Variants in TUBGCP3 observed in about 807,000 individuals in gnomAD.
The protein encoded by TUBGCP3 is gamma-tubulin complex component 3.
Under a neutral mutation model 123.1 loss-of-function variants are expected in TUBGCP3, and 50 were observed. The observed-to-expected ratio is 0.41, with a 90% confidence interval of 0.32 to 0.51. The LOEUF is 0.51. Ranked by LOEUF, TUBGCP3 falls within the 20% of genes least tolerant of loss-of-function variation. The pLI, the probability that TUBGCP3 is intolerant of heterozygous loss-of-function variation, is 0.36. For synonymous variants in TUBGCP3, 405 were observed against 413.9 expected (o/e 0.98, Z 0.26); for missense variants, 882 against 1,127.0 (o/e 0.78, Z 3.11).
At chr13:112,540,046 G>A (rs958788950) in intron 11 of TUBGCP3, among the ~76,000 whole-genome samples, 8 of 149,418 alleles carry the variant, frequency 5.4e-5, no homozygotes, top group Middle Eastern at 7.0e-3. Flanking sequence ...GAGCATTCAG[G>A]TGGTCTTGGG....
intron 1 of TUBGCP3, among the ~76,000 whole-genome samples, chr13:112,573,188 A>G (rs1256292361): frequency 6.6e-6 from 1 of 151,274 alleles, no homozygotes; most frequent in Non-Finnish European, 1.5e-5. Flanking sequence ...ATGGCCTACG[A>G]GATTAGACAT....
chr13:112,539,832 G>A (rs1487219844), intron 11 of TUBGCP3, among the ~76,000 whole-genome samples: 3 of 143,280 alleles, frequency 2.1e-5, no homozygotes, highest in East Asian at 2.0e-4. Flanking sequence ...GAATGAGGAC[G>A]TCAATGTAGT....
chr13:112,580,648 G>A (rs1882218231), intron 1 of TUBGCP3, among the ~76,000 whole-genome samples: 1 of 152,126 alleles, frequency 6.6e-6, no homozygotes, highest in Non-Finnish European at 1.5e-5. Context: ...AAAGCTACCA[G>A]ACACATCTTC....
At chr13:112,602,626 A>G in the TUBGCP3 span, among the ~76,000 whole-genome samples, 1 of 152,308 alleles carries the variant, frequency 6.6e-6, no homozygotes, top group South Asian at 2.1e-4. Context: ...AGAGGAAAAC[A>G]TTTGTTCTTT....
intron 20 of TUBGCP3, among the ~76,000 whole-genome samples, chr13:112,492,426 G>A (rs949228556): frequency 2.6e-5 from 4 of 152,216 alleles, no homozygotes; most frequent in African/African-American, 9.6e-5. Context: ...TACATGAACA[G>A]CTTAATAAGT....
Position 112,556,152 on chromosome 13 carries a change from T to TA in TUBGCP3, c.620dup (p.Leu207PhefsTer66). 1.2e-6 allele frequency: 2 copies of TA among 1,614,094 alleles called. No homozygotes were observed. Among genetic ancestry groups the TA allele is most frequent in the South Asian group, 1.1e-5 (1 of 91,070 alleles). On this transcript the variant is annotated frameshift_variant, in exon 6 of 22. Transcript: ENST00000261965. LOFTEE classifies it high-confidence loss of function. ...CTTGTGAAGAAGGCTGATTTGCAGT[T>TA]AAAGTCCATGCGAGTCGTGACCCCA... is the stretch of plus-strand genomic sequence containing the variant.
intron 21 of TUBGCP3, among the ~76,000 whole-genome samples, chr13:112,487,724 A>G (rs957757253): frequency 2.0e-5 from 3 of 152,144 alleles, no homozygotes; most frequent in Non-Finnish European, 4.4e-5. Context: ...GCCAGTCACT[A>G]CCCCCTTTTA....
chr13:112,600,919 A>T, the TUBGCP3 span, among the ~76,000 whole-genome samples: 7 of 152,274 alleles, frequency 4.6e-5, no homozygotes, highest in African/African-American at 1.7e-4. Context: ...AACACAATTT[A>T]GCTCACACCT....
chr13:112,562,724 G>A (rs575593028), intron 3 of TUBGCP3, among the ~76,000 whole-genome samples: 1 of 152,308 alleles, frequency 6.6e-6, no homozygotes, highest in African/African-American at 2.4e-5. Flanking sequence ...CTTCAGACCT[G>A]CCACCTCAGA....
chr13:112,562,132 A>C (rs115585505), intron 3 of TUBGCP3, among the ~76,000 whole-genome samples: 3,956 of 69,796 alleles, frequency 0.057, 3 homozygotes, highest in Middle Eastern at 0.11. Context: ...CCAGGACCCA[A>C]TAGGGAACAC....
chr13:112,493,721 G>C (rs1232260264), intron 20 of TUBGCP3, among the ~76,000 whole-genome samples: 3 of 147,352 alleles, frequency 2.0e-5, no homozygotes, highest in Non-Finnish European at 4.5e-5. Context: ...GTGTCCCTGA[G>C]ACACTCTGGC....
chr13:112,598,895 A>C, the TUBGCP3 span, among the ~76,000 whole-genome samples: 9 of 151,832 alleles, frequency 5.9e-5, no homozygotes, highest in African/African-American at 1.9e-4. Flanking sequence ...GCAGTGAGCC[A>C]AAATCGCACC....
At chr13:112,520,953 C>T (rs149522703) in intron 14 of TUBGCP3, among the ~76,000 whole-genome samples, 12 of 152,218 alleles carry the variant, frequency 7.9e-5, no homozygotes, top group Middle Eastern at 3.4e-3. Context: ...ACTTAAAATA[C>T]GACATTGAGG....
intron 11 of TUBGCP3, among the ~76,000 whole-genome samples, chr13:112,531,080 G>T (rs930695492): frequency 2.0e-5 from 3 of 152,086 alleles, no homozygotes; most frequent in Non-Finnish European, 4.4e-5. Context: ...TTCTTTCACA[G>T]AAATCTACTT....
chr13:112,487,085 G>GTGTGTGTGTC (rs1879737270), intron 21 of TUBGCP3, among the ~76,000 whole-genome samples: 1 of 92,056 alleles, frequency 1.1e-5, no homozygotes, highest in African/African-American at 3.8e-5. Flanking sequence ...GTGTGTGTCT[G>GTGTGTGTGTC]TGTGTGTGTG....
At chr13:112,570,618 T>C (rs546513141) in intron 1 of TUBGCP3, among the ~76,000 whole-genome samples, 128 of 152,228 alleles carry the variant, frequency 8.4e-4, no homozygotes, top group Non-Finnish European at 1.6e-3. Context: ...CACCTTGATG[T>C]TGACGACTAC....
chr13:112,521,291 G>A (rs1283428980), intron 14 of TUBGCP3, among the ~76,000 whole-genome samples: 1 of 152,192 alleles, frequency 6.6e-6, no homozygotes, highest in Non-Finnish European at 1.5e-5. Context: ...TATGACTAAG[G>A]CATGAGCATG....
At chr13:112,520,604 C>T (rs1876539896) in intron 14 of TUBGCP3, among the ~76,000 whole-genome samples, 1 of 152,154 alleles carries the variant, frequency 6.6e-6, no homozygotes, top group South Asian at 2.1e-4. Flanking sequence ...TACATGTTAA[C>T]AAAGTTTTCA....
chr13:112,497,903 T>A (rs1326100421), intron 20 of TUBGCP3, among the ~76,000 whole-genome samples: 1 of 152,210 alleles, frequency 6.6e-6, no homozygotes, highest in Non-Finnish European at 1.5e-5. Context: ...TACATGACTG[T>A]ATCCTGAAAA....
Sources: gnomAD v4.1 joint callset for allele counts (sites outside exome capture counted in the v4.1 genomes callset) on GRCh38, gnomAD v4.1.1 for gene constraint, MANE v1.5 for transcripts, NCBI Gene and HGNC (gene_info 2026-07-23, HGNC 2026-07-21) for gene names.